Variants in PAPPA2 observed in about 807,000 individuals in gnomAD.
PAPPA2 encodes pappalysin 2.
PAPPA2 carries 86 observed loss-of-function variants against 176.4 expected under a neutral mutation model. That is an observed-to-expected ratio of 0.49 (90% CI 0.41 to 0.58). The LOEUF (loss-of-function observed/expected upper bound fraction) is 0.58. PAPPA2 is among the 20% of genes least tolerant of loss of function. The pLI is 0.00. For missense variants in PAPPA2, 2,073 were observed against 2,256.9 expected (o/e 0.92, Z 1.65); for synonymous variants, 809 against 852.2 (o/e 0.95, Z 0.88).
intron 12 of PAPPA2, among the ~76,000 whole-genome samples, chr1:176,723,907 C>T (rs923326315): frequency 1.3e-5 from 2 of 152,164 alleles, no homozygotes; most frequent in African/African-American, 2.4e-5. Flanking sequence ...TTGATCCCTA[C>T]TATAGCCTTG....
rs974301496 is a variant in PAPPA2, at chr1:176,744,145, T to C, written c.4151+3949T>C. Among the ~76,000 whole-genome samples the C allele has an allele frequency of 2.0e-5, 3 of 152,192 alleles. No homozygotes were observed. In the East Asian group the frequency reaches 5.8e-4, roughly 29 times the overall value. On this transcript the variant is annotated intron_variant, in intron 14 of 22. Coordinates refer to ENST00000367662, the MANE Select transcript of PAPPA2 (RefSeq NM_020318.3). ...TAATTTGATATTAGATAGTTAAGTA[T>C]ATAATTTTTTGTGAGCCTTTTATCT...
At chr1:176,723,566 C>A (rs1661725462) in intron 12 of PAPPA2, among the ~76,000 whole-genome samples, 1 of 151,492 alleles carries the variant, frequency 6.6e-6, no homozygotes, top group African/African-American at 2.4e-5. Context: ...ATTTGATACA[C>A]AAATATGATT....
chr1:176,515,267 AT>A (rs374343300), intron 1 of PAPPA2, among the ~76,000 whole-genome samples: 225 of 152,292 alleles, frequency 1.5e-3, no homozygotes, highest in African/African-American at 5.2e-3. Context: ...ATAAAGAGTC[AT>A]TATTTCTGAC....
chr1:176,526,652 C>T (rs553238145), intron 1 of PAPPA2, among the ~76,000 whole-genome samples: 41 of 152,156 alleles, frequency 2.7e-4, no homozygotes, highest in Non-Finnish European at 5.0e-4. Context: ...AGAGCTTCCC[C>T]TGACTAATAA....
intron 14 of PAPPA2, among the ~76,000 whole-genome samples, chr1:176,744,559 C>A (rs1662822609): frequency 1.3e-5 from 2 of 152,172 alleles, no homozygotes; most frequent in South Asian, 4.1e-4. Flanking sequence ...TCACTAAGAC[C>A]TCTATACTTC....
chr1:176,649,815 T>G (rs1657614249), intron 3 of PAPPA2, among the ~76,000 whole-genome samples: 1 of 151,626 alleles, frequency 6.6e-6, no homozygotes, highest in Non-Finnish European at 1.5e-5. Flanking sequence ...TTTCATGTCC[T>G]AACAGATCAT....
At chr1:176,557,352 G>C in intron 2 of PAPPA2, 111 bp downstream of exon 2, 9 of 1,269,746 alleles carry the variant, frequency 7.1e-6, no homozygotes, top group Middle Eastern at 5.6e-4. Context: ...AGGAAAGCCA[G>C]AAAGGGCTAG....
intron 17 of PAPPA2, among the ~76,000 whole-genome samples, chr1:176,774,227 G>A (rs1403870263): frequency 6.6e-6 from 1 of 151,970 alleles, no homozygotes; most frequent in Non-Finnish European, 1.5e-5. Context: ...TGTCAGGCAT[G>A]ATGCTCATTC....
intron 3 of PAPPA2, among the ~76,000 whole-genome samples, chr1:176,602,724 C>A (rs933094708): frequency 2.0e-5 from 3 of 151,588 alleles, no homozygotes; most frequent in Admixed American, 1.3e-4. Flanking sequence ...AAAAAAAAAA[C>A]TGCCAGTTCC....
chr1:176,730,060 TC>T (rs1293895603), intron 12 of PAPPA2, among the ~76,000 whole-genome samples: 1 of 152,024 alleles, frequency 6.6e-6, no homozygotes, highest in African/African-American at 2.4e-5. Flanking sequence ...TATTGGGTAA[TC>T]TTTTATTTTT....
At chr1:176,542,690 G>T (rs1650425787) in intron 1 of PAPPA2, among the ~76,000 whole-genome samples, 1 of 152,146 alleles carries the variant, frequency 6.6e-6, no homozygotes. Flanking sequence ...CAAGCTTACG[G>T]GCTCAGACTG....
chr1:176,680,367 A>G (rs975249237), intron 4 of PAPPA2, among the ~76,000 whole-genome samples: 2 of 152,082 alleles, frequency 1.3e-5, no homozygotes, highest in Non-Finnish European at 2.9e-5. Flanking sequence ...ATAGAATTTT[A>G]TACTATTGTA....
intron 9 of PAPPA2, 55 bp downstream of exon 9, chr1:176,702,790 A>G (rs1260106574): frequency 3.8e-6 from 6 of 1,561,404 alleles, no homozygotes; most frequent in African/African-American, 2.7e-5. Flanking sequence ...AGAGAGAGAG[A>G]GAGAGAGAGA....
chr1:176,797,550 C>T (rs937920738), intron 20 of PAPPA2, among the ~76,000 whole-genome samples: 5 of 151,830 alleles, frequency 3.3e-5, no homozygotes, highest in Non-Finnish European at 2.9e-5. Context: ...AGGAGGCTGA[C>T]GCAGGAGAAT....
At chr1:176,570,452 C>G (rs551354686) in intron 2 of PAPPA2, among the ~76,000 whole-genome samples, 21 of 152,306 alleles carry the variant, frequency 1.4e-4, no homozygotes, top group African/African-American at 5.1e-4. Flanking sequence ...TTAACTCCAA[C>G]TTCATGCAGA....
intron 2 of PAPPA2, among the ~76,000 whole-genome samples, chr1:176,583,246 A>T: frequency 6.7e-6 from 1 of 148,716 alleles, no homozygotes. Context: ...ATTTTCATTT[A>T]TTTCCTTCTA....
chr1:176,474,037 A>G (rs1652005216), intron 1 of PAPPA2, among the ~76,000 whole-genome samples: 1 of 152,180 alleles, frequency 6.6e-6, no homozygotes, highest in Non-Finnish European at 1.5e-5. Flanking sequence ...TAAAGTATGT[A>G]TTACTTCTGT....
chr1:176,567,785 T>C (rs534899580), intron 2 of PAPPA2, among the ~76,000 whole-genome samples: 167 of 152,314 alleles, frequency 1.1e-3, no homozygotes, highest in African/African-American at 3.9e-3. Flanking sequence ...CAAAAGGATT[T>C]CTTGAGGCTA....
chr1:176,783,064 A>G (rs1052597744), intron 17 of PAPPA2, among the ~76,000 whole-genome samples: 23 of 152,216 alleles, frequency 1.5e-4, no homozygotes, highest in Admixed American at 2.6e-4. Flanking sequence ...AACAGGGCAG[A>G]TGATAGTATC....
Sources: gnomAD v4.1 joint callset for allele counts (sites outside exome capture counted in the v4.1 genomes callset) on GRCh38, gnomAD v4.1.1 for gene constraint, MANE v1.5 for transcripts, NCBI Gene and HGNC (gene_info 2026-07-23, HGNC 2026-07-21) for gene names.